The following CEP85L variants were observed in gnomAD, a reference collection of about 807,000 sequenced individuals.
CEP85L encodes centrosomal protein 85L.
A neutral mutation model predicts 100.3 loss-of-function variants in CEP85L; 60 were observed. The ratio of observed to expected loss-of-function variants is 0.60; its 90% CI spans 0.49 to 0.74. CEP85L has a LOEUF of 0.74. CEP85L is among the 30% of genes least tolerant of loss of function. CEP85L has a pLI of 0.00. For missense variants in CEP85L, 973 were observed against 936.2 expected (o/e 1.04, Z -0.51); for synonymous variants, 319 against 322.7 (o/e 0.99, Z 0.12).
chr6:118,536,370 T>C (rs139358038), intron 3 of CEP85L, among the ~76,000 whole-genome samples: 2 of 152,242 alleles, frequency 1.3e-5, no homozygotes, highest in Admixed American at 6.5e-5. Flanking sequence ...TATCCTGACC[T>C]GAGTGGTGAT....
chr6:118,636,331 C>T (rs1774491236), intron 1 of CEP85L, among the ~76,000 whole-genome samples: 1 of 152,124 alleles, frequency 6.6e-6, no homozygotes, highest in Non-Finnish European at 1.5e-5. Flanking sequence ...GCCAGGCTGC[C>T]CAGAATCTGA....
intron 1 of CEP85L, among the ~76,000 whole-genome samples, chr6:118,649,084 T>C (rs759386127): frequency 6.6e-6 from 1 of 152,186 alleles, no homozygotes. Context: ...ATCTGCTCAC[T>C]TGCACAAGAA....
At chr6:118,671,926 G>C (rs1171290026) in intron 1 of CEP85L, among the ~76,000 whole-genome samples, 2 of 152,138 alleles carry the variant, frequency 1.3e-5, no homozygotes, top group Admixed American at 6.6e-5. Context: ...GAAAGAGCGA[G>C]ACTCTATCCC....
intron 2 of CEP85L, among the ~76,000 whole-genome samples, chr6:118,600,300 G>GGGGGTGTGTGTGTGTGTGTGTGT (rs1562297733): frequency 5.7e-5 from 3 of 52,236 alleles, no homozygotes; most frequent in Non-Finnish European, 4.0e-5. Context: ...CCTTCCTGGG[G>GGGGGTGTGTGTGTGTGTGTGTGT]GTGTGTGTGT....
intron 2 of CEP85L, among the ~76,000 whole-genome samples, chr6:118,627,524 T>A (rs1554233482): frequency 6.6e-6 from 1 of 152,200 alleles, no homozygotes; most frequent in Non-Finnish European, 1.5e-5. Context: ...TATTAGAGCT[T>A]GAAACTTGTG....
chr6:118,472,526 T>C (rs1773041800), intron 10 of CEP85L, among the ~76,000 whole-genome samples: 1 of 152,174 alleles, frequency 6.6e-6, no homozygotes, highest in South Asian at 2.1e-4. Context: ...TTCTCTATCC[T>C]AAATTGTATT....
At chr6:118,670,638 G>A (rs368043073) in intron 1 of CEP85L, among the ~76,000 whole-genome samples, 8 of 152,262 alleles carry the variant, frequency 5.3e-5, no homozygotes, top group African/African-American at 1.9e-4. Flanking sequence ...CAAGAATGAG[G>A]AAAGGGGATG....
intron 2 of CEP85L, among the ~76,000 whole-genome samples, chr6:118,600,876 T>TC (rs1781751210): frequency 6.6e-6 from 1 of 152,066 alleles, no homozygotes; most frequent in Non-Finnish European, 1.5e-5. Context: ...CAATTTGCCA[T>TC]CTTACCCTAG....
At chr6:118,681,312 T>C (rs1285071654) in intron 1 of CEP85L, among the ~76,000 whole-genome samples, 1 of 152,222 alleles carries the variant, frequency 6.6e-6, no homozygotes, top group African/African-American at 2.4e-5. Flanking sequence ...TGCTGAGGTA[T>C]TCTCTGGCTC....
At chr6:118,655,486 T>A (rs1458747501), upstream of CEP85L, among the ~76,000 whole-genome samples, 1 of 152,176 alleles carries the variant, frequency 6.6e-6, no homozygotes, top group Non-Finnish European at 1.5e-5. Context: ...AGAGACAAGA[T>A]CATTTACTTG....
intron 3 of CEP85L, among the ~76,000 whole-genome samples, chr6:118,564,742 T>C (rs563170572): frequency 1.2e-4 from 18 of 152,322 alleles, no homozygotes; most frequent in African/African-American, 4.3e-4. Context: ...CAATTTTTTA[T>C]AGAATTAATT....
At chr6:118,593,326 A>G (rs1271995738) in intron 2 of CEP85L, among the ~76,000 whole-genome samples, 1 of 151,946 alleles carries the variant, frequency 6.6e-6, no homozygotes, top group Non-Finnish European at 1.5e-5. Context: ...GTATAAGTCC[A>G]TTACTGTACT....
chr6:118,585,234 C>T (rs1048604210), intron 2 of CEP85L, among the ~76,000 whole-genome samples: 2 of 152,178 alleles, frequency 1.3e-5, no homozygotes, highest in African/African-American at 4.8e-5. Flanking sequence ...ACACAGACTC[C>T]AAATATGCTT....
intron 2 of CEP85L, among the ~76,000 whole-genome samples, chr6:118,567,603 A>G (rs935635952): frequency 7.2e-5 from 11 of 152,248 alleles, no homozygotes; most frequent in African/African-American, 2.6e-4. Flanking sequence ...TAGCAATTTA[A>G]ATTGGTGTGT....
intron 6 of CEP85L, among the ~76,000 whole-genome samples, chr6:118,486,543 T>C (rs1774200176): frequency 6.6e-6 from 1 of 152,128 alleles, no homozygotes; most frequent in Non-Finnish European, 1.5e-5. Context: ...AAAGAAACAA[T>C]ATGATCCAAT....
chr6:118,566,425 CT>C (rs199673600), intron 2 of CEP85L, 109 bp from the exon 3 acceptor site: 5,656 of 836,326 alleles, frequency 6.8e-3, no homozygotes, highest in Non-Finnish European at 7.6e-3. Flanking sequence ...ATAGCACAAG[CT>C]TTTTTTTTTG....
chr6:118,583,409 C>A (rs532694723), intron 2 of CEP85L, among the ~76,000 whole-genome samples: 12 of 152,196 alleles, frequency 7.9e-5, no homozygotes, highest in Admixed American at 2.0e-4. Context: ...TTTTTCTCAA[C>A]CCCTTTTGCA....
In CEP85L at chr6:118,626,397, A is replaced by G. The variant is rs148824498; in HGVS notation, c.232+6056T>C. ...TTTCTGTGATCAGCGGACCTTATCT[A>G]TCCTCCCAATTCCTTATGAACATAG... is the stretch of plus-strand genomic sequence containing the variant. On this transcript the variant is annotated intron_variant, in intron 2 of 12. Coordinates refer to ENST00000368491, the MANE Select transcript of CEP85L (RefSeq NM_001042475.3). Among the ~76,000 whole-genome samples, 150 of 152,260 alleles carry G rather than the reference A, an allele frequency of 9.9e-4. 1 individual carries two copies. The highest frequency in any genetic ancestry group is 3.5e-3 in the African/African-American group (144 of 41,548).
upstream of CEP85L, among the ~76,000 whole-genome samples, chr6:118,654,127 A>G (rs1233570411): frequency 6.6e-6 from 1 of 152,190 alleles, no homozygotes; most frequent in East Asian, 1.9e-4. Context: ...TTTTTAAATT[A>G]GAAGAGCCAG....
Sources: allele counts gnomAD v4.1 joint callset (sites outside exome capture counted in the v4.1 genomes callset), GRCh38; gene constraint gnomAD v4.1.1; transcripts MANE v1.5; gene names NCBI Gene and HGNC (gene_info 2026-07-23, HGNC 2026-07-21).